USH2A: variants seen among roughly 807,000 people sequenced by gnomAD.
USH2A encodes usherin, also known as Usher syndrome 2A (autosomal recessive, mild).
USH2A carries 443 observed loss-of-function variants against 538.9 expected under a neutral mutation model. The observed-to-expected ratio is 0.82, with a 90% CI of 0.76 to 0.89. USH2A has a LOEUF of 0.89. USH2A is among the 40% of genes least tolerant of loss of function. The probability of loss-of-function intolerance (pLI) is 0.00; values close to 1 mark genes in which losing one functional copy is unlikely to be tolerated. For synonymous variants in USH2A, 2,413 were observed against 2,273.5 expected (o/e 1.06, Z -1.75); for missense variants, 6,633 against 6,324.8 (o/e 1.05, Z -1.65).
intron 61 of USH2A, among the ~76,000 whole-genome samples, chr1:215,702,687 G>T (rs1461383310): frequency 1.3e-5 from 2 of 151,030 alleles, no homozygotes; most frequent in Non-Finnish European, 2.9e-5. Context: ...TCTCTAAACT[G>T]GTTATTCTAG....
intron 64 of USH2A, among the ~76,000 whole-genome samples, chr1:215,665,381 T>G (rs985333155): frequency 6.6e-6 from 1 of 152,138 alleles, no homozygotes; most frequent in Non-Finnish European, 1.5e-5. Flanking sequence ...AGACCCTGAG[T>G]GTGCGTGGGT....
intron 61 of USH2A, among the ~76,000 whole-genome samples, chr1:215,701,987 CA>C (rs1659033085): frequency 1.3e-5 from 2 of 152,184 alleles, no homozygotes. Context: ...GTGCTTCCTT[CA>C]GAAGCTCTTG....
At chr1:216,054,916 C>T (rs1462590784) in intron 30 of USH2A, among the ~76,000 whole-genome samples, 3 of 152,132 alleles carry the variant, frequency 2.0e-5, no homozygotes, top group African/African-American at 7.2e-5. Flanking sequence ...TTTAGTCTGG[C>T]GGTGAAATCT....
In USH2A at chr1:216,316,616, T is replaced by C. The variant is rs372180300; in HGVS notation, c.1644+5267A>G. Reference sequence around the variant, plus strand: ...GAAATGGACACAGTGTTAGACTATGTTCTGATTAAGAGAAGTGAGGAATTA... The same window carrying C: ...GAAATGGACACAGTGTTAGACTATGCTCTGATTAAGAGAAGTGAGGAATTA... On this transcript the variant is annotated intron_variant, in intron 9 of 71. Transcript: ENST00000307340. Among the ~76,000 whole-genome samples, 98 of 152,312 alleles carry C rather than the reference T, an allele frequency of 6.4e-4. 1 individual carries two copies. Among genetic ancestry groups the C allele is most frequent in the African/African-American group, 2.3e-3 (97 of 41,574 alleles).
At chr1:215,649,153 T>C (rs565786835) in intron 65 of USH2A, among the ~76,000 whole-genome samples, 20 of 152,336 alleles carry the variant, frequency 1.3e-4, no homozygotes, top group African/African-American at 4.3e-4. Context: ...CAATTATATG[T>C]CTAGTCAGCA....
intron 43 of USH2A, among the ~76,000 whole-genome samples, chr1:215,873,072 T>A (rs1571768094): frequency 6.6e-6 from 1 of 151,816 alleles, no homozygotes; most frequent in East Asian, 1.9e-4. Context: ...TACAAGGAGG[T>A]AACACATAAT....
Position 215,922,942 on chromosome 1 carries a change from A to G in USH2A, c.7300+11674T>C, listed in dbSNP as rs929246316. On this transcript the variant is annotated intron_variant, in intron 38 of 71. Coordinates refer to ENST00000307340, the MANE Select transcript of USH2A (RefSeq NM_206933.4). ...GGAGAAACAGCTCAGAAGATTGTCA[A>G]ATGAAGTGGCTCTGAGGAGACCCTT... is the stretch of plus-strand genomic sequence containing the variant. Among the ~76,000 whole-genome samples the G allele has an allele frequency of 2.6e-5, 4 of 152,210 alleles. No homozygotes were observed. In the South Asian group the frequency reaches 8.3e-4, roughly 32 times the overall value.
chr1:216,326,917 A>G (rs1235912030), intron 5 of USH2A, among the ~76,000 whole-genome samples: 2 of 152,186 alleles, frequency 1.3e-5, no homozygotes, highest in Non-Finnish European at 2.9e-5. Flanking sequence ...CCATGATATC[A>G]TAAGCTGAAG....
chr1:215,648,905 C>G (rs2102643455), intron 65 of USH2A, 139 bp from the exon 66 acceptor site: 3 of 838,432 alleles, frequency 3.6e-6, no homozygotes, highest in East Asian at 4.9e-5. Context: ...TTTAGCATGA[C>G]ATTTATCCTC....
At chr1:216,119,200 A>C (rs1055552473) in intron 21 of USH2A, among the ~76,000 whole-genome samples, 1 of 152,222 alleles carries the variant, frequency 6.6e-6, no homozygotes. Context: ...TTCAGTAATC[A>C]CTAAGTAGCC....
intron 3 of USH2A, among the ~76,000 whole-genome samples, chr1:216,395,441 C>T (rs1464728077): frequency 6.6e-6 from 1 of 152,124 alleles, no homozygotes; most frequent in Non-Finnish European, 1.5e-5. Flanking sequence ...TTAGAAATTG[C>T]ATAAGCCATT....
At chr1:215,858,678 C>A (rs557592688) in intron 44 of USH2A, among the ~76,000 whole-genome samples, 1 of 151,590 alleles carries the variant, frequency 6.6e-6, no homozygotes, top group African/African-American at 2.4e-5. Flanking sequence ...AAGGTTGTAA[C>A]CTTTTTGGAT....
At chr1:216,250,154 T>G (rs557330567) in intron 12 of USH2A, among the ~76,000 whole-genome samples, 1 of 152,254 alleles carries the variant, frequency 6.6e-6, no homozygotes, top group East Asian at 1.9e-4. Context: ...CTTGATAAAT[T>G]TTGTCCTTAT....
In USH2A at chr1:216,114,063, T is replaced by C. The variant is rs539587993; in HGVS notation, c.4628-16850A>G. ...ATTCACTCTTTTGTATTAAAATGAT[T>C]ATTATAAGTTCTTCTTTTCTCTTTT... On this transcript the variant is annotated intron_variant, in intron 21 of 71. Transcript: ENST00000307340. Among the ~76,000 whole-genome samples, 13 of 152,000 alleles carry C rather than the reference T, an allele frequency of 8.6e-5. 1 individual carries two copies. The highest frequency in any genetic ancestry group is 3.1e-4 in the African/African-American group (13 of 41,586).
At chr1:215,737,994 C>A (rs1277304037) in intron 60 of USH2A, among the ~76,000 whole-genome samples, 2 of 151,986 alleles carry the variant, frequency 1.3e-5, no homozygotes, top group African/African-American at 4.8e-5. Context: ...CCTCTCAGTG[C>A]ACATTGATCA....
chr1:215,655,959 C>T (rs1255811771), intron 64 of USH2A, among the ~76,000 whole-genome samples: 1 of 152,058 alleles, frequency 6.6e-6, no homozygotes, highest in Non-Finnish European at 1.5e-5. Context: ...TGGTCTCAAA[C>T]TCCTGACCTA....
intron 70 of USH2A, among the ~76,000 whole-genome samples, chr1:215,633,233 G>C (rs1656364816): frequency 6.6e-6 from 1 of 152,176 alleles, no homozygotes; most frequent in African/African-American, 2.4e-5. Flanking sequence ...GATGGGCTCA[G>C]GGAGGAAGGA....
At chr1:216,152,830 T>G (rs2033866471) in intron 21 of USH2A, among the ~76,000 whole-genome samples, 1 of 152,196 alleles carries the variant, frequency 6.6e-6, no homozygotes, top group African/African-American at 2.4e-5. Context: ...AAGGCACTTC[T>G]GTTTTCACAC....
intron 58 of USH2A, among the ~76,000 whole-genome samples, chr1:215,756,477 C>T (rs1660796201): frequency 6.6e-6 from 1 of 152,146 alleles, no homozygotes; most frequent in Admixed American, 6.5e-5. Flanking sequence ...TCCCGTATTG[C>T]TCTTGGAGAA....
Sources: gnomAD v4.1 joint callset for allele counts (sites outside exome capture counted in the v4.1 genomes callset) on GRCh38, gnomAD v4.1.1 for gene constraint, MANE v1.5 for transcripts, NCBI Gene and HGNC (gene_info 2026-07-23, HGNC 2026-07-21) for gene names.